Variants in SPOCK1 observed in about 807,000 individuals in gnomAD.
SPOCK1 encodes SPARC (osteonectin), cwcv and kazal like domains proteoglycan 1, also known as testican-1.
A neutral mutation model predicts 55.3 loss-of-function variants in SPOCK1; 23 were observed. The ratio of observed to expected loss-of-function variants is 0.42; its 90% confidence interval spans 0.30 to 0.59. SPOCK1 has a LOEUF of 0.59. SPOCK1 is among the 20% of genes least tolerant of loss of function. SPOCK1 has a pLI of 0.22. For missense variants in SPOCK1, 499 were observed against 552.5 expected, an observed-to-expected ratio of 0.90 and a Z score of 0.97; for synonymous variants, 226 against 221.0, an observed-to-expected ratio of 1.02 and a Z score of -0.20.
At chr5:137,197,521 A>T (rs1438549522) in intron 3 of SPOCK1, among the ~76,000 whole-genome samples, 1 of 152,126 alleles carries the variant, frequency 6.6e-6, no homozygotes, top group Non-Finnish European at 1.5e-5. Flanking sequence ...AAATAAGATA[A>T]TGTGTGTGAC....
chr5:137,008,080 G>A (rs1751283998), intron 6 of SPOCK1, among the ~76,000 whole-genome samples: 1 of 145,354 alleles, frequency 6.9e-6, no homozygotes, highest in South Asian at 2.4e-4. Context: ...ATAAGTGGGA[G>A]TTGAAAAACG....
intron 3 of SPOCK1, among the ~76,000 whole-genome samples, chr5:137,209,663 G>A (rs560979699): frequency 4.6e-5 from 7 of 152,248 alleles, no homozygotes; most frequent in African/African-American, 9.6e-5. Context: ...CGGTCTCAGC[G>A]TCAGTCAAAT....
At chr5:137,437,794 A>C (rs1434078988) in intron 2 of SPOCK1, among the ~76,000 whole-genome samples, 2 of 152,232 alleles carry the variant, frequency 1.3e-5, no homozygotes, top group Non-Finnish European at 2.9e-5. Context: ...ATTGTAAACT[A>C]TAGTAACCAC....
At chr5:137,160,594 AT>A (rs1754523378) in intron 3 of SPOCK1, among the ~76,000 whole-genome samples, 1 of 65,218 alleles carries the variant, frequency 1.5e-5, no homozygotes, top group African/African-American at 6.2e-5. Flanking sequence ...ATAATATATA[AT>A]ATATTATATA....
intron 2 of SPOCK1, among the ~76,000 whole-genome samples, chr5:137,437,302 A>G (rs1196281064): frequency 6.6e-6 from 1 of 152,208 alleles, no homozygotes; most frequent in East Asian, 1.9e-4. Context: ...CTCTTCATGA[A>G]AACCATCTCT....
At chr5:137,354,937 C>CTA (rs1750759674) in intron 2 of SPOCK1, among the ~76,000 whole-genome samples, 1 of 152,170 alleles carries the variant, frequency 6.6e-6, no homozygotes, top group Middle Eastern at 3.2e-3. Flanking sequence ...ATCTCTCTCT[C>CTA]TGTCTCCCAG....
chr5:137,275,154 TCTTATAG>T (rs1191573539), intron 2 of SPOCK1, among the ~76,000 whole-genome samples: 3 of 152,190 alleles, frequency 2.0e-5, no homozygotes, highest in Non-Finnish European at 4.4e-5. Flanking sequence ...GCCATTGCCA[TCTTATAG>T]CTTATAGCAC....
At chr5:137,256,157 T>C (rs1345908975) in intron 3 of SPOCK1, among the ~76,000 whole-genome samples, 1 of 152,134 alleles carries the variant, frequency 6.6e-6, no homozygotes, top group Non-Finnish European at 1.5e-5. Context: ...TCTGTATGGA[T>C]TTTTGAGTAT....
intron 5 of SPOCK1, among the ~76,000 whole-genome samples, chr5:137,090,296 C>T (rs1025546619): frequency 2.0e-5 from 3 of 152,216 alleles, no homozygotes; most frequent in African/African-American, 7.2e-5. Flanking sequence ...AAACTTCCCA[C>T]CAAGAGGCAA....
At chr5:137,089,589 G>T (rs911128590) in intron 5 of SPOCK1, among the ~76,000 whole-genome samples, 2 of 152,136 alleles carry the variant, frequency 1.3e-5, no homozygotes, top group African/African-American at 2.4e-5. Flanking sequence ...AGCCACACCT[G>T]CCAGTGCCTG....
rs546043529 is a variant in SPOCK1 at position 137,064,909 on chromosome 5, G to A, written c.589+2806C>T. Among the ~76,000 whole-genome samples the A allele has an allele frequency of 3.9e-5, 6 of 152,308 alleles. No homozygotes were observed. In the East Asian group the frequency reaches 1.2e-3, roughly 29 times the overall value. On this transcript the variant is annotated intron_variant, in intron 6 of 10. Transcript: ENST00000394945. ...ACTCCCCCAAATGTGTTCTTATCCT[G>A]TAGGAAAACACTGATCAAATCCATA... is the stretch of plus-strand genomic sequence containing the variant.
chr5:137,257,674 A>T (rs1456738833), intron 3 of SPOCK1, among the ~76,000 whole-genome samples: 2 of 152,192 alleles, frequency 1.3e-5, no homozygotes, highest in African/African-American at 4.8e-5. Context: ...AGCTATCAAA[A>T]AACATTTCTC....
At chr5:137,269,756 T>C (rs1342040075) in intron 2 of SPOCK1, among the ~76,000 whole-genome samples, 1 of 152,050 alleles carries the variant, frequency 6.6e-6, no homozygotes, top group African/African-American at 2.4e-5. Flanking sequence ...CTCTAGAGCT[T>C]CACCTCCTGA....
At position 137,399,928 on chromosome 5, in the gene SPOCK1, G is replaced by T. The variant is rs150247907; in HGVS notation, c.186+98445C>A. On this transcript the variant is annotated intron_variant, in intron 2 of 10. Transcript: ENST00000394945. ...TTTGTGGGAATAAAGAAACCACTAG[G>T]CTTGTTAACTCTGGGAGAGTTAAAC... Among the ~76,000 whole-genome samples the T allele has an allele frequency of 2.8e-4, 43 of 152,296 alleles. No individual in the cohort carries two copies. The East Asian group carries it at 7.3e-3, about 26-fold the overall frequency.
At chr5:137,024,550 C>T (rs1241991515) in intron 6 of SPOCK1, among the ~76,000 whole-genome samples, 1 of 150,252 alleles carries the variant, frequency 6.7e-6, no homozygotes, top group Non-Finnish European at 1.5e-5. Flanking sequence ...ACATCTCAAT[C>T]ATTAAAAATA....
At chr5:137,361,017 G>C (rs940910278) in intron 2 of SPOCK1, among the ~76,000 whole-genome samples, 1 of 152,120 alleles carries the variant, frequency 6.6e-6, no homozygotes, top group African/African-American at 2.4e-5. Flanking sequence ...TGAAGTGTTC[G>C]GGAGGTAATT....
chr5:137,344,380 C>T (rs932094899), intron 2 of SPOCK1, among the ~76,000 whole-genome samples: 6 of 152,246 alleles, frequency 3.9e-5, no homozygotes, highest in Admixed American at 6.5e-5. Context: ...CGTGAATAAC[C>T]TTCTGTGAAG....
intron 2 of SPOCK1, among the ~76,000 whole-genome samples, chr5:137,287,079 G>A (rs948999067): frequency 6.6e-6 from 1 of 152,126 alleles, no homozygotes. Flanking sequence ...GGCACCCAGG[G>A]TCACACTGCT....
At position 137,274,926 on chromosome 5, in the gene SPOCK1, T is replaced by C. The variant is rs144865337; in HGVS notation, c.187-7871A>G. Among the ~76,000 whole-genome samples, 705 of 152,336 alleles carry C rather than the reference T, an allele frequency of 4.6e-3. 3 individuals carry two copies. The highest frequency in any genetic ancestry group is 0.016 in the African/African-American group (660 of 41,564). ...GACAATACTTACACCAGTGGGCCTA[T>C]TTGTGCATTGAGTGTGGCATTTTAA... On this transcript the variant is annotated intron_variant, in intron 2 of 10. Transcript: ENST00000394945.
Sources: gnomAD v4.1 joint callset for allele counts (sites outside exome capture counted in the v4.1 genomes callset) on GRCh38, gnomAD v4.1.1 for gene constraint, MANE v1.5 for transcripts, NCBI Gene and HGNC (gene_info 2026-07-23, HGNC 2026-07-21) for gene names.